The following SHANK2 variants were observed in gnomAD, a reference collection of about 807,000 sequenced individuals.
SHANK2 encodes the protein SH3 and multiple ankyrin repeat domains 2.
In SHANK2, 43 loss-of-function variants were observed where a neutral mutation model predicts 133.7. The ratio of observed to expected loss-of-function variants is 0.32; its 90% CI spans 0.25 to 0.41. The LOEUF is 0.41. Among genes scored for constraint, SHANK2 ranks in the 10% least tolerant of loss-of-function variants. The pLI is 1.00. For missense variants in SHANK2, 1,994 were observed against 2,235.8 expected, an observed-to-expected ratio of 0.89 and a Z score of 2.18; for synonymous variants, 1,017 against 952.8, an observed-to-expected ratio of 1.07 and a Z score of -1.24.
In SHANK2 at chr11:70,486,395, T is replaced by C; in HGVS notation, c.3898A>G (p.Ile1300Val). The C allele has an allele frequency of 6.2e-7, 1 of 1,613,978 alleles. No homozygotes were observed. The highest frequency in any genetic ancestry group is 8.5e-7 in the Non-Finnish European group (1 of 1,180,010). The part of the protein sequence containing the change: ...RKGDDKKNML[I>V]DIMDTSQQKS... ...TGCTGGGACGTGTCCATGATGTCGA[T>C]CAGCATGTTCTTCTTGTCATCGCCT... is the stretch of plus-strand genomic sequence containing the variant. The change falls in exon 25 of 26, where the codon ATC becomes GTC. Residue 1300 changes from isoleucine (I) to valine (V), a missense_variant. By Grantham distance (29) the Ile-to-Val change is conservative. This residue lies in a region of SHANK2 where 797 missense variants were observed against 907.4 expected (regional missense o/e 0.88). Transcript: ENST00000601538. The surrounding 1 kb of genome is among the most constrained non-coding windows in gnomAD (Gnocchi z 8.0).
At chr11:70,819,649 C>T (rs187474782) in intron 12 of SHANK2, among the ~76,000 whole-genome samples, 24 of 152,216 alleles carry the variant, frequency 1.6e-4, no homozygotes, top group African/African-American at 5.5e-4. Context: ...AGGCAGTTCC[C>T]AAAGTCTGCC....
chr11:70,935,706 G>A (rs1950561786), intron 10 of SHANK2, among the ~76,000 whole-genome samples: 1 of 151,998 alleles, frequency 6.6e-6, no homozygotes, highest in East Asian at 1.9e-4. Context: ...CTTGAATGAA[G>A]ACATGAAAAA....
At chr11:70,825,375 G>A (rs536871506) in intron 11 of SHANK2, among the ~76,000 whole-genome samples, 1 of 152,192 alleles carries the variant, frequency 6.6e-6, no homozygotes, top group African/African-American at 2.4e-5. Context: ...GACAAAGGTT[G>A]TTATTTATAT....
At chr11:71,214,996 C>T (rs528105541) in intron 2 of SHANK2, among the ~76,000 whole-genome samples, 1 of 152,308 alleles carries the variant, frequency 6.6e-6, no homozygotes, top group South Asian at 2.1e-4. Context: ...TCCTGGATCC[C>T]ACATACACAG....
In SHANK2 at chr11:70,489,552, G is replaced by C. The variant is rs59222126; in HGVS notation, c.2552-204C>G. On this transcript the variant is annotated intron_variant, in intron 23 of 25. Transcript: ENST00000601538. Reference sequence around the variant, plus strand: ...GCACAGCAGCCCAGAGGCATTTCCAGAACACACAGGACAGTGCCCCTGGGG... The same window carrying C: ...GCACAGCAGCCCAGAGGCATTTCCACAACACACAGGACAGTGCCCCTGGGG... The C allele has an allele frequency of 1.7e-3, 1,096 of 630,394 alleles. 16 individuals are homozygous for C. The East Asian group carries it at 0.024, about 14-fold the overall frequency. 39.1% of individuals were successfully genotyped at this position (630,394 alleles called of 1,614,324 possible). A position where few individuals can be genotyped will look rare whatever the true frequency, so the allele number is the denominator to read the frequency against.
At chr11:70,588,298 C>CT (rs1177092641) in intron 17 of SHANK2, among the ~76,000 whole-genome samples, 6 of 152,240 alleles carry the variant, frequency 3.9e-5, no homozygotes, top group African/African-American at 1.4e-4. Context: ...AGTCACTCAT[C>CT]TTTCACTTTG....
chr11:70,945,224 T>A (rs1237213067), intron 10 of SHANK2, among the ~76,000 whole-genome samples: 2 of 152,070 alleles, frequency 1.3e-5, no homozygotes, highest in African/African-American at 4.8e-5. Flanking sequence ...AACCATAAGA[T>A]CCTTGGAGGA....
intron 17 of SHANK2, among the ~76,000 whole-genome samples, chr11:70,609,419 G>A (rs530785565): frequency 2.6e-5 from 4 of 152,278 alleles, no homozygotes; most frequent in Non-Finnish European, 4.4e-5. Flanking sequence ...AGCATTCAGA[G>A]GTTCCTCAGT....
Position 70,486,236 on chromosome 11 carries a change from A to G in SHANK2, c.4057T>C (p.Ser1353Pro). 6 of 1,613,884 alleles carry G rather than the reference A, an allele frequency of 3.7e-6. No homozygotes were observed. Among genetic ancestry groups the G allele is most frequent in the Non-Finnish European group, 5.1e-6 (6 of 1,179,984 alleles). The change falls in exon 25 of 26, where the codon TCC becomes CCC. Residue 1353 changes from serine (S) to proline (P), a missense_variant. Transcript: ENST00000601538. This position sits in a 1 kb window ranked among gnomAD's most constrained non-coding sequence, Gnocchi z 8.0. ...SSPSEVPEGV[S>P]ETEGALQISA... Reference sequence around the variant, plus strand: ...ATCTGTAAAGCACCTTCGGTTTCGGAAACACCTTCTGGCACCTCGGACGGC... The same window carrying G: ...ATCTGTAAAGCACCTTCGGTTTCGGGAACACCTTCTGGCACCTCGGACGGC...
intron 10 of SHANK2, among the ~76,000 whole-genome samples, chr11:70,924,658 T>C (rs782654894): frequency 1.3e-5 from 2 of 152,088 alleles, no homozygotes; most frequent in African/African-American, 2.4e-5. Context: ...CGTTTCGCCA[T>C]GTTGGCCAGG....
At chr11:71,224,161 C>T (rs1555121798) in intron 2 of SHANK2, among the ~76,000 whole-genome samples, 1 of 152,150 alleles carries the variant, frequency 6.6e-6, no homozygotes, top group Non-Finnish European at 1.5e-5. Flanking sequence ...TCAGCGTCAA[C>T]GTTGATAAGA....
chr11:70,508,381 G>A (rs1457027267), intron 17 of SHANK2, among the ~76,000 whole-genome samples: 1 of 152,222 alleles, frequency 6.6e-6, no homozygotes, highest in East Asian at 1.9e-4. Flanking sequence ...AAGTCCTGGG[G>A]CGGGGCAGAG....
chr11:70,677,638 C>T (rs1555017514), intron 15 of SHANK2, among the ~76,000 whole-genome samples: 1 of 152,186 alleles, frequency 6.6e-6, no homozygotes, highest in Non-Finnish European at 1.5e-5. Context: ...ACGTCCACTG[C>T]TGAGATGACC....
In SHANK2 at chr11:71,188,241, G is replaced by C. The variant is rs1404642655; in HGVS notation, c.-13+36456C>G. ...CTGAGACCTCCCCTTAGTATCCCCT[G>C]CTGGTGTCACTCTGGTCATGGACCA... On this transcript the variant is annotated intron_variant, in intron 2 of 25. Transcript: ENST00000601538. The surrounding 1 kb of genome is among the most constrained non-coding windows in gnomAD (Gnocchi z 4.6). Among the ~76,000 whole-genome samples, 1 of 152,028 alleles carries C rather than the reference G, an allele frequency of 6.6e-6. No individual in the cohort carries two copies.
At chr11:70,930,387 A>G (rs1419797169) in intron 10 of SHANK2, among the ~76,000 whole-genome samples, 1 of 152,274 alleles carries the variant, frequency 6.6e-6, no homozygotes, top group Non-Finnish European at 1.5e-5. Context: ...CGCAGTTACC[A>G]GATGGCTTGA....
chr11:71,241,962 A>C (rs1954898447), intron 1 of SHANK2, among the ~76,000 whole-genome samples: 1 of 152,220 alleles, frequency 6.6e-6, no homozygotes, highest in Non-Finnish European at 1.5e-5. Context: ...CATTATTCAC[A>C]ACAGCCAGAG....
intron 15 of SHANK2, among the ~76,000 whole-genome samples, chr11:70,679,430 T>C (rs1555017910): frequency 1.3e-5 from 2 of 152,050 alleles, no homozygotes; most frequent in Non-Finnish European, 2.9e-5. Context: ...ATCAGGGAGG[T>C]GGGAGATCTC....
chr11:70,613,909 C>G (rs545397414), intron 17 of SHANK2, among the ~76,000 whole-genome samples: 9 of 152,158 alleles, frequency 5.9e-5, no homozygotes, highest in African/African-American at 2.2e-4. Flanking sequence ...GGATTACAGG[C>G]ACGCACCACC....
chr11:71,215,413 C>G (rs1185593301), intron 2 of SHANK2, among the ~76,000 whole-genome samples: 2 of 152,230 alleles, frequency 1.3e-5, no homozygotes, highest in African/African-American at 2.4e-5. Context: ...AGGTTCTGCC[C>G]TGGTCACCCC....
Sources: allele counts gnomAD v4.1 joint callset (sites outside exome capture counted in the v4.1 genomes callset), GRCh38; gene constraint gnomAD v4.1.1; regional missense constraint gnomAD v4.1.1; non-coding constraint Gnocchi (gnomAD v3.1); transcripts MANE v1.5; gene names NCBI Gene and HGNC (gene_info 2026-07-23, HGNC 2026-07-21).